Variants in KALRN observed in about 807,000 individuals in gnomAD.
The protein encoded by KALRN is kalirin RhoGEF kinase, also known as kalirin.
In KALRN, 70 loss-of-function variants were observed where a neutral mutation model predicts 353.7. That is an observed-to-expected ratio of 0.20 (90% CI 0.16 to 0.24). The LOEUF (loss-of-function observed/expected upper bound fraction) is 0.24. Ranked by LOEUF, KALRN falls within the 10% of genes least tolerant of loss-of-function variation. KALRN has a pLI of 1.00. For synonymous variants in KALRN, 1,391 were observed against 1,434.8 expected (o/e 0.97, Z 0.69); for missense variants, 2,791 against 3,756.7 (o/e 0.74, Z 6.72).
At chr3:124,519,518 G>A (rs569488887) in intron 33 of KALRN, 1 of 985,384 alleles carries the variant, frequency 1.0e-6, no homozygotes, top group African/African-American at 1.7e-5. Context: ...TGATTTCTGA[G>A]AGGTCCTGAA....
chr3:124,515,297 T>C (rs1319350646), intron 33 of KALRN, among the ~76,000 whole-genome samples: 1 of 152,056 alleles, frequency 6.6e-6, no homozygotes, highest in Non-Finnish European at 1.5e-5. Flanking sequence ...TAGGGGGAGA[T>C]AGGGGAAATT....
chr3:124,324,781 T>C, intron 6 of KALRN, among the ~76,000 whole-genome samples: 1 of 151,966 alleles, frequency 6.6e-6, no homozygotes, highest in Admixed American at 6.6e-5. Context: ...GAAAGGAAAA[T>C]AAAGAACCTT....
chr3:124,152,562 CTTT>C, intron 1 of KALRN: 1 of 620,346 alleles, frequency 1.6e-6, no homozygotes, highest in Non-Finnish European at 2.8e-6. Flanking sequence ...CTTTTCTTTT[CTTT>C]TCTTTTCTTT....
chr3:124,264,923 G>T (rs959016380), intron 4 of KALRN, among the ~76,000 whole-genome samples: 1 of 152,174 alleles, frequency 6.6e-6, no homozygotes, highest in Non-Finnish European at 1.5e-5. Context: ...ACTGTTGGTG[G>T]TTGTGTTAAC....
intron 9 of KALRN, among the ~76,000 whole-genome samples, chr3:124,344,532 C>T (rs997786784): frequency 6.6e-6 from 1 of 152,230 alleles, no homozygotes; most frequent in African/African-American, 2.4e-5. Context: ...AACAATACTT[C>T]ATATATTAAC....
chr3:124,335,633 C>G (rs927986371), intron 9 of KALRN, among the ~76,000 whole-genome samples: 1 of 152,044 alleles, frequency 6.6e-6, no homozygotes, highest in South Asian at 2.1e-4. Context: ...TCTTAGTTCA[C>G]CATAGGAAAA....
intron 1 of KALRN, among the ~76,000 whole-genome samples, chr3:124,218,005 T>G (rs2077512299): frequency 6.6e-6 from 1 of 151,642 alleles, no homozygotes; most frequent in African/African-American, 2.4e-5. Flanking sequence ...CAAGTGGGAG[T>G]GGGAAGAAAC....
At chr3:124,280,536 C>T (rs575206859) in intron 5 of KALRN, among the ~76,000 whole-genome samples, 1 of 152,168 alleles carries the variant, frequency 6.6e-6, no homozygotes, top group African/African-American at 2.4e-5. Flanking sequence ...ATGCAGCTTT[C>T]CTGGGACCAG....
At chr3:124,188,532 T>G (rs1046469275) in intron 1 of KALRN, among the ~76,000 whole-genome samples, 59 of 152,322 alleles carry the variant, frequency 3.9e-4, no homozygotes, top group African/African-American at 1.1e-3. Context: ...ACATTTATCT[T>G]CAGCGTCTCT....
chr3:124,159,073 A>G (rs1474999303), intron 1 of KALRN, among the ~76,000 whole-genome samples: 1 of 152,090 alleles, frequency 6.6e-6, no homozygotes, highest in Non-Finnish European at 1.5e-5. Context: ...CCCACCATCT[A>G]GTCAGATGGG....
intron 34 of KALRN, among the ~76,000 whole-genome samples, chr3:124,591,144 G>A (rs1342494346): frequency 6.6e-6 from 1 of 152,030 alleles, no homozygotes; most frequent in African/African-American, 2.4e-5. Flanking sequence ...TGCTTTCAAG[G>A]GACTCTTCTG....
At chr3:124,353,076 T>A (rs1244749784) in intron 10 of KALRN, among the ~76,000 whole-genome samples, 5 of 151,658 alleles carry the variant, frequency 3.3e-5, no homozygotes, top group Non-Finnish European at 7.4e-5. Flanking sequence ...TCCAAACAAG[T>A]GGTAAGAGAA....
Position 124,559,034 on chromosome 3 carries a change from G to A in KALRN, c.4936-3809G>A, listed in dbSNP as rs141260613. On this transcript the variant is annotated intron_variant, in intron 33 of 59. Transcript: ENST00000682506. ...CCCAAATATTAATCATGTAAAAATAGACCTAAATGAAAATGATCATTTCTG... is the reference window on the plus strand; with the variant it reads ...CCCAAATATTAATCATGTAAAAATAAACCTAAATGAAAATGATCATTTCTG... 7.9e-5 allele frequency among the ~76,000 whole-genome samples: 12 copies of A among 152,386 alleles called. No individual in the cohort carries two copies. The East Asian group carries it at 1.5e-3, about 20-fold the overall frequency.
chr3:124,422,757 T>C, intron 14 of KALRN, 55 bp from the exon 15 acceptor site: 1 of 1,439,776 alleles, frequency 6.9e-7, no homozygotes, highest in Non-Finnish European at 9.7e-7. Context: ...TTGAAGGGAA[T>C]GTAGCCTTCA....
intron 15 of KALRN, among the ~76,000 whole-genome samples, chr3:124,426,775 T>C (rs1432362286): frequency 6.6e-6 from 1 of 152,204 alleles, no homozygotes; most frequent in Non-Finnish European, 1.5e-5. Flanking sequence ...AGTGCTCTGA[T>C]AGCTACCAGG....
intron 1 of KALRN, among the ~76,000 whole-genome samples, chr3:124,171,648 G>A (rs2071856375): frequency 6.6e-6 from 1 of 152,170 alleles, no homozygotes; most frequent in South Asian, 2.1e-4. Context: ...CATTGTAAAG[G>A]AGTGGGCACA....
In KALRN at chr3:124,376,386, A is replaced by G. The variant is rs9832042; in HGVS notation, c.1771-8459A>G. ...CCTAAGAAGATATTGTTCTTTCAGC[A>G]GTTGTAATGTGGTGGGTCAAACCAT... On this transcript the variant is annotated intron_variant, in intron 10 of 59. Transcript: ENST00000682506. Among the ~76,000 whole-genome samples the G allele has an allele frequency of 9.6e-3, 1,463 of 152,286 alleles. 22 individuals carry two copies. Among genetic ancestry groups the G allele is most frequent in the African/African-American group, 0.033 (1,367 of 41,554 alleles).
At chr3:124,320,274 G>A (rs1266133612) in intron 6 of KALRN, among the ~76,000 whole-genome samples, 1 of 152,132 alleles carries the variant, frequency 6.6e-6, no homozygotes, top group Non-Finnish European at 1.5e-5. Flanking sequence ...AAGTGTCCCC[G>A]AAGTGGTGGT....
At chr3:124,514,343 T>C (rs368070995) in intron 33 of KALRN, among the ~76,000 whole-genome samples, 2 of 152,104 alleles carry the variant, frequency 1.3e-5, no homozygotes, top group South Asian at 4.1e-4. Flanking sequence ...TAAAAGTCCC[T>C]GCCAAGGACA....
Sources: allele counts gnomAD v4.1 joint callset (sites outside exome capture counted in the v4.1 genomes callset), GRCh38; gene constraint gnomAD v4.1.1; transcripts MANE v1.5; gene names NCBI Gene and HGNC (gene_info 2026-07-23, HGNC 2026-07-21).